The following CPHXL variants were observed in gnomAD, a reference collection of about 807,000 sequenced individuals.
CPHXL encodes cytoplasmic polyadenylated homeobox like.
chr16:75,724,968 C>T (rs1256638669), intron 1 of CPHXL, among the ~76,000 whole-genome samples: 2 of 152,162 alleles, frequency 1.3e-5, no homozygotes, highest in Non-Finnish European at 2.9e-5. Context: ...AGTTCATGTC[C>T]TTTGTAGGGA....
In CPHXL at chr16:75,714,393, G is replaced by A. The variant is rs1290217233; in HGVS notation, c.1049C>T (p.Ala350Val). 9 of 398,458 alleles carry A rather than the reference G, an allele frequency of 2.3e-5. No individual in the cohort carries two copies. Among genetic ancestry groups the A allele is most frequent in the African/African-American group, 1.9e-4 (9 of 48,598 alleles). 24.7% of individuals were successfully genotyped at this position (398,458 alleles called of 1,614,324 possible). A position where few individuals can be genotyped will look rare whatever the true frequency, so the allele number is the denominator to read the frequency against. The stretch of plus-strand genomic sequence containing the variant: ...CAGTTGACTCTGCAGCTGTGACTGA[G>A]CCGAGGACCACTGCTTCCCTAGATC... ...PWDLGKQWSS[A>V]QSQLQSQLPQ... Residue 350 changes from alanine to valine, a missense_variant, in exon 3 of 3, where the codon GCT becomes GTT. Coordinates refer to ENST00000640559, the MANE Select transcript of CPHXL (RefSeq NM_001355613.1).
Position 75,715,035 on chromosome 16 carries a change from C to A in CPHXL, c.407G>T (p.Arg136Ile), listed in dbSNP as rs541986830. 3.0e-5 allele frequency: 12 copies of A among 398,668 alleles called. No homozygotes were observed. The highest frequency in any genetic ancestry group is 1.4e-4 in the African/African-American group (7 of 48,758). The allele number at this position is 398,668 out of a possible 1,614,324, so 24.7% of individuals were successfully genotyped here. ...LSGAQRALMR[R>I]AGCSHLEKQW... ...TTTCTCCAGATGGGAGCAACCAGCT[C>A]TTCTCATCAGAGCCCTCTGGGCACC... The change falls in exon 3 of 3, where the codon AGA becomes ATA. Residue 136 changes from arginine to isoleucine, a missense_variant. Transcript: ENST00000640559.
intron 1 of CPHXL, among the ~76,000 whole-genome samples, chr16:75,723,872 C>T (rs1422290024): frequency 6.6e-6 from 1 of 152,028 alleles, no homozygotes; most frequent in Non-Finnish European, 1.5e-5. Context: ...CTACAGTAAC[C>T]AAAACAGCAT....
intron 1 of CPHXL, among the ~76,000 whole-genome samples, chr16:75,719,456 A>ATGCTGCGCCTGGCTCAGAGGG (rs1392151148): frequency 6.6e-6 from 1 of 152,182 alleles, no homozygotes; most frequent in Non-Finnish European, 1.5e-5. Flanking sequence ...AGGAGATTAT[A>ATGCTGCGCCTGGCTCAGAGGG]TGCTGCGCCT....
intron 2 of CPHXL, among the ~76,000 whole-genome samples, chr16:75,716,297 A>C (rs892662556): frequency 6.6e-6 from 1 of 152,140 alleles, no homozygotes; most frequent in African/African-American, 2.4e-5. Context: ...CAGATCCCAC[A>C]GGTCGAGGGC....
chr16:75,717,858 T>C (rs978308190), intron 2 of CPHXL, among the ~76,000 whole-genome samples: 7 of 152,216 alleles, frequency 4.6e-5, no homozygotes, highest in African/African-American at 1.7e-4. Context: ...ACTTTCCCAT[T>C]TCTTCGAATT....
intron 1 of CPHXL, among the ~76,000 whole-genome samples, chr16:75,726,104 C>G (rs986709508): frequency 6.6e-6 from 1 of 151,924 alleles, no homozygotes; most frequent in Admixed American, 6.6e-5. Context: ...AGAACTGGTA[C>G]TTTGTAATGG....
intron 1 of CPHXL, among the ~76,000 whole-genome samples, chr16:75,718,792 C>T (rs920009860): frequency 5.3e-5 from 8 of 152,074 alleles, no homozygotes; most frequent in Admixed American, 3.9e-4. Context: ...TGTCTAGGGT[C>T]GACACAGCCT....
Position 75,715,183 on chromosome 16 carries a change from C to T in CPHXL, c.259G>A (p.Glu87Lys), listed in dbSNP as rs1228021798. ...QNKRARLPPA[E>K]RRRIFVLQKK... ...TGAAGAACAAATATTCTGCGTCTTT[C>T]TGCAGGTGGAAGTCTGGCTCTTTTA... The change falls in exon 3 of 3, where the codon GAA becomes AAA. Residue 87 changes from glutamate (E) to lysine (K), a missense_variant. Coordinates refer to ENST00000640559, the MANE Select transcript of CPHXL (RefSeq NM_001355613.1). The T allele has an allele frequency of 2.5e-6, 1 of 398,916 alleles. No homozygotes were observed. The highest frequency in any genetic ancestry group is 4.4e-6 in the Non-Finnish European group (1 of 226,202). The allele number at this position is 398,916 out of a possible 1,614,324, so 24.7% of individuals were successfully genotyped here.
intron 1 of CPHXL, among the ~76,000 whole-genome samples, chr16:75,720,920 C>T (rs951267042): frequency 6.6e-6 from 1 of 152,184 alleles, no homozygotes; most frequent in Non-Finnish European, 1.5e-5. Flanking sequence ...AGAAACTCTA[C>T]AAGCCAGAAG....
chr16:75,725,091 C>T (rs1029020167), intron 1 of CPHXL, among the ~76,000 whole-genome samples: 13 of 150,492 alleles, frequency 8.6e-5, no homozygotes, highest in African/African-American at 3.2e-4. Flanking sequence ...CACATGGACA[C>T]AGGAAGGGGA....
rs571556108 is a variant in CPHXL, at chr16:75,720,898, G to A, written c.26-2440C>T. Among the ~76,000 whole-genome samples the A allele has an allele frequency of 7.7e-4, 118 of 152,286 alleles. 1 individual carries two copies. The highest frequency in any genetic ancestry group is 6.6e-4 in the Non-Finnish European group (45 of 68,032). On this transcript the variant is annotated intron_variant, in intron 1 of 2. Transcript: ENST00000640559. ...AAGGGAAGCCTATCAGACTAACAGCGGATCTCTCAGCAGAAACTCTACAAG... is the reference window on the plus strand; with the variant it reads ...AAGGGAAGCCTATCAGACTAACAGCAGATCTCTCAGCAGAAACTCTACAAG...
At chr16:75,717,413 A>T (rs963955809) in intron 2 of CPHXL, among the ~76,000 whole-genome samples, 7 of 152,184 alleles carry the variant, frequency 4.6e-5, no homozygotes, top group African/African-American at 1.4e-4. Context: ...CCAACGTTTG[A>T]GGATGTCTCA....
At chr16:75,715,956 CCAA>C (rs1431926456) in intron 2 of CPHXL, among the ~76,000 whole-genome samples, 1 of 152,112 alleles carries the variant, frequency 6.6e-6, no homozygotes, top group African/African-American at 2.4e-5. Context: ...CCTCAGCCTC[CCAA>C]AGTGCTGGGA....
chr16:75,716,000 C>T (rs1272420457), intron 2 of CPHXL, among the ~76,000 whole-genome samples: 1 of 152,084 alleles, frequency 6.6e-6, no homozygotes, highest in African/African-American at 2.4e-5. Flanking sequence ...ATCTGGCCCA[C>T]ATTTCTGTTT....
At chr16:75,721,714 G>A (rs1959479777) in intron 1 of CPHXL, among the ~76,000 whole-genome samples, 1 of 152,106 alleles carries the variant, frequency 6.6e-6, no homozygotes, top group Admixed American at 6.5e-5. Context: ...AGTTAACAAG[G>A]ATATCCAAGA....
chr16:75,714,250 G>T lies in CPHXL; in HGVS notation c.1192C>A (p.Pro398Thr). ...TAAAGTTGCTGCATTTGGGTCCTGGGTTGCTCTGAAGCCCTTTCCTGCATA... is the reference window on the plus strand; with the variant it reads ...TAAAGTTGCTGCATTTGGGTCCTGGTTTGCTCTGAAGCCCTTTCCTGCATA... Reference protein sequence around the residue: ...QDMQERASEQPRTQMQQL With the variant: ...QDMQERASEQTRTQMQQL Residue 398 changes from proline to threonine, a missense_variant, in exon 3 of 3, where the codon CCC (proline) becomes ACC (threonine). Pro to Thr is a conservative substitution (Grantham distance 38, BLOSUM62 -1). Coordinates refer to ENST00000640559, the MANE Select transcript of CPHXL (RefSeq NM_001355613.1). The T allele has an allele frequency of 2.5e-6, 1 of 398,698 alleles. No individual in the cohort carries two copies. The highest frequency in any genetic ancestry group is 4.4e-6 in the Non-Finnish European group (1 of 226,154). The allele number at this position is 398,698 out of a possible 1,614,324, so 24.7% of individuals were successfully genotyped here. A position where few individuals can be genotyped will look rare whatever the true frequency, so the allele number is the denominator to read the frequency against.
intron 1 of CPHXL, among the ~76,000 whole-genome samples, chr16:75,722,045 T>C (rs910058712): frequency 3.0e-4 from 45 of 152,212 alleles, no homozygotes; most frequent in African/African-American, 1.1e-3. Flanking sequence ...AAAGATGTTC[T>C]TTGAAACCAA....
chr16:75,724,898 G>C (rs1959532246), intron 1 of CPHXL, among the ~76,000 whole-genome samples: 1 of 152,166 alleles, frequency 6.6e-6, no homozygotes, highest in Non-Finnish European at 1.5e-5. Flanking sequence ...ATGATAGACT[G>C]GATTAAGAAA....
Sources: allele counts gnomAD v4.1 joint callset (sites outside exome capture counted in the v4.1 genomes callset), GRCh38; gene constraint gnomAD v4.1.1; transcripts MANE v1.5; gene names NCBI Gene and HGNC (gene_info 2026-07-23, HGNC 2026-07-21).